FARP2: variants seen among roughly 807,000 people sequenced by gnomAD.
The protein encoded by FARP2 is FERM, ARHGEF and pleckstrin domain-containing protein 2.
Under a neutral mutation model 130.5 loss-of-function variants are expected in FARP2, and 111 were observed. That is an observed-to-expected ratio of 0.85 (90% CI 0.73 to 1.00). FARP2 has a LOEUF of 1.00. Ranked by LOEUF, FARP2 falls within the 50% of genes least tolerant of loss-of-function variation. The pLI is 0.00. For synonymous variants in FARP2, 504 were observed against 516.9 expected, an observed-to-expected ratio of 0.98 and a Z score of 0.34; for missense variants, 1,385 against 1,346.3, an observed-to-expected ratio of 1.03 and a Z score of -0.45.
chr2:241,426,523 A>G (rs2062943330), intron 8 of FARP2, among the ~76,000 whole-genome samples: 1 of 152,044 alleles, frequency 6.6e-6, no homozygotes, highest in Non-Finnish European at 1.5e-5. Context: ...CAAAGTGGAG[A>G]ATGTGCTAGC....
intron 13 of FARP2, among the ~76,000 whole-genome samples, chr2:241,451,700 A>T (rs2063662375): frequency 6.6e-6 from 1 of 152,212 alleles, no homozygotes; most frequent in East Asian, 1.9e-4. Context: ...AAGTAAAGCT[A>T]AACATATTCT....
At chr2:241,369,634 A>G (rs1320437307) in intron 1 of FARP2, among the ~76,000 whole-genome samples, 1 of 152,128 alleles carries the variant, frequency 6.6e-6, no homozygotes, top group East Asian at 1.9e-4. Context: ...ACTTAAGAAA[A>G]CATAAATGAG....
At chr2:241,493,891 C>A in intron 26 of FARP2, 117 bp from the exon 27 acceptor site, 1 of 629,606 alleles carries the variant, frequency 1.6e-6, no homozygotes, top group Non-Finnish European at 2.6e-6. Flanking sequence ...GCCACCGCAC[C>A]CGGCCCCAGG....
chr2:241,384,893 T>C (rs2061748060), intron 2 of FARP2, among the ~76,000 whole-genome samples: 1 of 152,226 alleles, frequency 6.6e-6, no homozygotes. Context: ...TATTCAGCTT[T>C]ATATTGTTTG....
At position 241,422,687 on chromosome 2, in the gene FARP2, G is replaced by A. The variant is rs147365891; in HGVS notation, c.771+4578G>A. Reference sequence around the variant, plus strand: ...TAATAATGAACTTTGCTGAGCTAAAGGAGCATGTTGTAACCCAATGCAAAG... The same window carrying A: ...TAATAATGAACTTTGCTGAGCTAAAAGAGCATGTTGTAACCCAATGCAAAG... On this transcript the variant is annotated intron_variant, in intron 8 of 26. Transcript: ENST00000264042. Among the ~76,000 whole-genome samples, 9 of 152,234 alleles carry A rather than the reference G, an allele frequency of 5.9e-5. No individual in the cohort carries two copies. In the East Asian group the frequency reaches 1.7e-3, roughly 29 times the overall value.
chr2:241,443,104 C>T lies in FARP2; in HGVS notation c.1411+1548C>T, dbSNP rs146733519. The T allele has an allele frequency of 7.2e-3, 1,951 of 269,402 alleles. 9 individuals are homozygous for T. The highest frequency in any genetic ancestry group is 0.011 in the Middle Eastern group (18 of 1,682). The allele number at this position is 269,402 out of a possible 1,614,324, so 16.7% of individuals were successfully genotyped here. On this transcript the variant is annotated intron_variant, in intron 13 of 26. Transcript: ENST00000264042. ...TGGGACTCTGAGACCCTAAGGCCCC[C>T]GTAGACATTAGCCTTTTCTTCAGCA...
Position 241,441,719 on chromosome 2 carries a change from C to T in FARP2, c.1411+163C>T, listed in dbSNP as rs764710282. On this transcript the variant is annotated intron_variant, in intron 13 of 26. Coordinates refer to ENST00000264042, the MANE Select transcript of FARP2 (RefSeq NM_014808.4). Reference sequence around the variant, plus strand: ...GACTTTACCACAGGCTCATTTCCTTCCGGTGGGGAGCACCGGTGTGACCGG... The same window carrying T: ...GACTTTACCACAGGCTCATTTCCTTTCGGTGGGGAGCACCGGTGTGACCGG... 3.7e-6 allele frequency: 4 copies of T among 1,078,472 alleles called. No individual in the cohort carries two copies. The South Asian group carries it at 5.6e-5, about 15-fold the overall frequency. The allele number at this position is 1,078,472 out of a possible 1,614,324, so 66.8% of individuals were successfully genotyped here.
chr2:241,391,023 TAGTG>T (rs2061891983), intron 2 of FARP2, among the ~76,000 whole-genome samples: 1 of 152,148 alleles, frequency 6.6e-6, no homozygotes, highest in South Asian at 2.1e-4. Flanking sequence ...GTCCTGACCA[TAGTG>T]AGTGGGTGGG....
At chr2:241,399,465 C>T (rs999921119) in intron 2 of FARP2, among the ~76,000 whole-genome samples, 19 of 152,146 alleles carry the variant, frequency 1.2e-4, no homozygotes, top group African/African-American at 4.3e-4. Context: ...CCGCCACACC[C>T]GGCTAATTTT....
intron 8 of FARP2, among the ~76,000 whole-genome samples, chr2:241,426,941 A>G (rs2062953588): frequency 6.6e-6 from 1 of 152,182 alleles, no homozygotes; most frequent in Admixed American, 6.5e-5. Flanking sequence ...ATAAACGATA[A>G]AAAACAATAC....
chr2:241,482,810 T>TG lies in FARP2; in HGVS notation c.2263-655_2263-654insG, dbSNP rs2064649628. Among the ~76,000 whole-genome samples, 1 of 152,142 alleles carries TG rather than the reference T, an allele frequency of 6.6e-6. No individual in the cohort carries two copies. Among genetic ancestry groups the TG allele is most frequent in the African/African-American group, 2.4e-5 (1 of 41,426 alleles). On this transcript the variant is annotated intron_variant, in intron 19 of 26. Coordinates refer to ENST00000264042, the MANE Select transcript of FARP2 (RefSeq NM_014808.4). The surrounding 1 kb of genome is among the most constrained non-coding windows in gnomAD (Gnocchi z 4.6). ...GCTCCAGAGCAGTCCAGGTTAGGAA[T>TG]CTGAGGGGCTCCCAGGACTCTCGCT...
intron 17 of FARP2, chr2:241,466,418 A>G (rs1184484279): frequency 2.0e-6 from 2 of 985,292 alleles, no homozygotes; most frequent in East Asian, 1.1e-4. Flanking sequence ...GTGGGTGGGC[A>G]CTGGTCCTCA....
intron 13 of FARP2, 117 bp downstream of exon 13, chr2:241,441,673 A>G: frequency 7.1e-7 from 1 of 1,407,530 alleles, no homozygotes; most frequent in East Asian, 2.3e-5. Context: ...CGCTGCTTGT[A>G]AAAATGACAA....
Position 241,392,844 on chromosome 2 carries a change from G to A in FARP2, c.184-10984G>A, listed in dbSNP as rs923899338. 5.3e-5 allele frequency among the ~76,000 whole-genome samples: 8 copies of A among 151,744 alleles called. No individual in the cohort carries two copies. The South Asian group carries it at 1.2e-3, about 24-fold the overall frequency. ...TGTAATCCCAACTACTTAGGAGGCT[G>A]AGGCAGGAGAATCACTTGAACCCGG... On this transcript the variant is annotated intron_variant, in intron 2 of 26. Coordinates refer to ENST00000264042, the MANE Select transcript of FARP2 (RefSeq NM_014808.4).
intron 12 of FARP2, among the ~76,000 whole-genome samples, chr2:241,438,287 G>T (rs904081042): frequency 6.6e-6 from 1 of 152,062 alleles, no homozygotes; most frequent in Admixed American, 6.5e-5. Context: ...GGGCACAATG[G>T]CTCACACCCT....
chr2:241,478,870 G>A (rs1218032777), intron 19 of FARP2: 2 of 384,660 alleles, frequency 5.2e-6, no homozygotes, highest in African/African-American at 4.2e-5. Context: ...ACAACTATGG[G>A]AATGAAGATC....
intron 2 of FARP2, among the ~76,000 whole-genome samples, chr2:241,392,230 A>T (rs1401574445): frequency 6.6e-6 from 1 of 152,248 alleles, no homozygotes; most frequent in Non-Finnish European, 1.5e-5. Flanking sequence ...GCTAGCAAGA[A>T]AGCCAAAAGC....
intron 13 of FARP2, among the ~76,000 whole-genome samples, chr2:241,451,275 A>G (rs987615100): frequency 6.6e-6 from 1 of 152,104 alleles, no homozygotes; most frequent in Non-Finnish European, 1.5e-5. Flanking sequence ...CTCCTGGCCA[A>G]TTTGCCGCTT....
chr2:241,403,223 CT>C (rs902879117), intron 2 of FARP2, among the ~76,000 whole-genome samples: 11 of 150,310 alleles, frequency 7.3e-5, no homozygotes, highest in East Asian at 5.9e-4. Flanking sequence ...ATTAAAATTA[CT>C]TTTTTTTTGA....
Sources: gnomAD v4.1 joint callset for allele counts (sites outside exome capture counted in the v4.1 genomes callset) on GRCh38, gnomAD v4.1.1 for gene constraint, Gnocchi (gnomAD v3.1) non-coding constraint, MANE v1.5 for transcripts, NCBI Gene and HGNC (gene_info 2026-07-23, HGNC 2026-07-21) for gene names.